The following CAPZB variants were observed in gnomAD, a reference collection of about 807,000 sequenced individuals.
CAPZB encodes capping actin protein of muscle Z-line subunit beta, also known as F-actin-capping protein subunit beta.
CAPZB carries 2 observed loss-of-function variants against 38.1 expected under a neutral mutation model. That is an observed-to-expected ratio of 0.05 (90% CI 0.02 to 0.17). The LOEUF (loss-of-function observed/expected upper bound fraction) is 0.17. CAPZB is among the 10% of genes least tolerant of loss of function. The probability of loss-of-function intolerance (pLI) is 1.00; values close to 1 mark genes in which losing one functional copy is unlikely to be tolerated. For missense variants in CAPZB, 161 were observed against 334.2 expected, an observed-to-expected ratio of 0.48 and a Z score of 4.04; for synonymous variants, 107 against 127.4, an observed-to-expected ratio of 0.84 and a Z score of 1.08.
intron 1 of CAPZB, among the ~76,000 whole-genome samples, chr1:19,453,072 T>G (rs1158879242): frequency 6.6e-6 from 1 of 151,606 alleles, no homozygotes; most frequent in African/African-American, 2.4e-5. Flanking sequence ...CCCAAAGCAC[T>G]GGGATTAGAG....
intron 2 of CAPZB, among the ~76,000 whole-genome samples, chr1:19,407,190 C>T (rs1167452304): frequency 6.6e-6 from 1 of 152,236 alleles, no homozygotes; most frequent in Non-Finnish European, 1.5e-5. Flanking sequence ...AATGGCCAAT[C>T]TGTTTCCAAG....
At chr1:19,404,468 C>T (rs931947436) in intron 2 of CAPZB, among the ~76,000 whole-genome samples, 9 of 147,348 alleles carry the variant, frequency 6.1e-5, no homozygotes, top group South Asian at 4.4e-4. Context: ...CACTTGAACT[C>T]GGGAGGTGGA....
intron 2 of CAPZB, among the ~76,000 whole-genome samples, chr1:19,392,723 C>T (rs1428376667): frequency 6.6e-6 from 1 of 151,978 alleles, no homozygotes; most frequent in Admixed American, 6.6e-5. Flanking sequence ...CCCGGGAAGT[C>T]GAGGCTGCAG....
At chr1:19,420,815 C>T (rs889406260) in intron 1 of CAPZB, among the ~76,000 whole-genome samples, 2 of 152,076 alleles carry the variant, frequency 1.3e-5, no homozygotes, top group African/African-American at 4.8e-5. Context: ...CTCAGAGCCA[C>T]CATGTGCCAG....
chr1:19,363,767 C>T lies in CAPZB; in HGVS notation c.330-6204G>A, dbSNP rs1051122155. 1.5e-4 allele frequency among the ~76,000 whole-genome samples: 23 copies of T among 152,096 alleles called. No homozygotes were observed. The East Asian group carries it at 1.5e-3, about 10-fold the overall frequency. On this transcript the variant is annotated intron_variant, in intron 4 of 8. Coordinates refer to ENST00000264202, the MANE Select transcript of CAPZB (RefSeq NM_004930.5). ...GGGGCTGCAAATCTAACAGGGAAAA[C>T]GGGAGGGGAAGAAGGGGCTTTGAAG...
Position 19,357,978 on chromosome 1 carries a change from T to C in CAPZB, c.330-415A>G, listed in dbSNP as rs1307310440. On this transcript the variant is annotated intron_variant, in intron 4 of 8. Coordinates refer to ENST00000264202, the MANE Select transcript of CAPZB (RefSeq NM_004930.5). The surrounding 1 kb of genome is among the most constrained non-coding windows in gnomAD (Gnocchi z 4.3). ...ATATTTTACAGGGCAGATGAGAAAATACAGCAACAAACTCCCTACACCCTG... is the reference window on the plus strand; with the variant it reads ...ATATTTTACAGGGCAGATGAGAAAACACAGCAACAAACTCCCTACACCCTG... Among the ~76,000 whole-genome samples, 1 of 152,010 alleles carries C rather than the reference T, an allele frequency of 6.6e-6. No individual in the cohort carries two copies. Among genetic ancestry groups the C allele is most frequent in the African/African-American group, 2.4e-5 (1 of 41,378 alleles).
chr1:19,471,252 AG>A (rs879775904), intron 1 of CAPZB, among the ~76,000 whole-genome samples: 66 of 152,178 alleles, frequency 4.3e-4, no homozygotes, highest in Non-Finnish European at 8.4e-4. Context: ...CTATGGAAAA[AG>A]GGGGGATGAT....
At chr1:19,342,700 T>C (rs200531025) in intron 8 of CAPZB, 1 of 1,113,664 alleles carries the variant, frequency 9.0e-7, no homozygotes, top group East Asian at 2.5e-5. Flanking sequence ...TCTCGGCGGG[T>C]TGGTGAGTCC....
At chr1:19,476,508 T>C (rs1005165089) in intron 1 of CAPZB, among the ~76,000 whole-genome samples, 5 of 152,162 alleles carry the variant, frequency 3.3e-5, no homozygotes, top group African/African-American at 1.2e-4. Flanking sequence ...TGGGGCTTCA[T>C]AGGAAAAAGC....
chr1:19,348,747 T>A, intron 6 of CAPZB, among the ~76,000 whole-genome samples: 2 of 90,164 alleles, frequency 2.2e-5, no homozygotes, highest in South Asian at 8.8e-4. Context: ...AGAAAACGGG[T>A]GGCATCTGAC....
intron 1 of CAPZB, among the ~76,000 whole-genome samples, chr1:19,479,448 C>A (rs918494827): frequency 6.6e-6 from 1 of 152,170 alleles, no homozygotes; most frequent in Non-Finnish European, 1.5e-5. Flanking sequence ...TTTGCAGACA[C>A]CACTATCTAG....
At chr1:19,429,801 G>C (rs1335600574) in intron 1 of CAPZB, among the ~76,000 whole-genome samples, 1 of 152,138 alleles carries the variant, frequency 6.6e-6, no homozygotes, top group East Asian at 1.9e-4. Context: ...CAGTTTCCAA[G>C]TCATTAAGCA....
intron 6 of CAPZB, among the ~76,000 whole-genome samples, chr1:19,355,494 C>CAAA (rs11455973): frequency 2.9e-5 from 3 of 102,800 alleles, no homozygotes; most frequent in African/African-American, 4.2e-5. Flanking sequence ...GACTCCGTCT[C>CAAA]AAAAAAAAAA....
At chr1:19,454,409 G>A (rs2094526605) in intron 1 of CAPZB, among the ~76,000 whole-genome samples, 1 of 152,172 alleles carries the variant, frequency 6.6e-6, no homozygotes, top group African/African-American at 2.4e-5. Context: ...CTTTTCCAGA[G>A]AAAGTCAAGC....
intron 1 of CAPZB, chr1:19,448,987 A>G: frequency 6.3e-7 from 1 of 1,595,802 alleles, no homozygotes; most frequent in Non-Finnish European, 8.5e-7. Context: ...AAGTGGAAAC[A>G]TGACGTGACT....
intron 2 of CAPZB, among the ~76,000 whole-genome samples, chr1:19,415,829 G>A (rs989771854): frequency 3.9e-5 from 6 of 152,240 alleles, no homozygotes; most frequent in African/African-American, 9.6e-5. Flanking sequence ...ATGGGCCGCC[G>A]CGCCTGGCCA....
chr1:19,398,955 C>G (rs965175584), intron 2 of CAPZB, among the ~76,000 whole-genome samples: 1 of 151,354 alleles, frequency 6.6e-6, no homozygotes, highest in Admixed American at 6.6e-5. Context: ...CTCCCAGGTT[C>G]AAGCAAGTCT....
intron 8 of CAPZB, among the ~76,000 whole-genome samples, chr1:19,342,079 G>A (rs966894702): frequency 7.9e-5 from 12 of 152,256 alleles, no homozygotes; most frequent in Non-Finnish European, 1.6e-4. Context: ...CAACAAGCAA[G>A]ACTATTTTCC....
At position 19,414,385 on chromosome 1, in the gene CAPZB, C is replaced by T. The variant is rs114005285; in HGVS notation, c.93+5276G>A. On this transcript the variant is annotated intron_variant, in intron 2 of 8. Transcript: ENST00000264202. ...AGTTAACCTATGAAGTTATCAACTC[C>T]CCGGTAAAAAATCAGGATGTCTCTT... Among the ~76,000 whole-genome samples the T allele has an allele frequency of 7.5e-3, 1,136 of 152,190 alleles. 8 individuals are homozygous for T. The highest frequency in any genetic ancestry group is 0.026 in the African/African-American group (1,063 of 41,478).
Sources: allele counts gnomAD v4.1 joint callset (sites outside exome capture counted in the v4.1 genomes callset), GRCh38; gene constraint gnomAD v4.1.1; non-coding constraint Gnocchi (gnomAD v3.1); transcripts MANE v1.5; gene names NCBI Gene and HGNC (gene_info 2026-07-23, HGNC 2026-07-21).